Variants in FHOD3 observed in about 807,000 individuals in gnomAD.
FHOD3 encodes FH1/FH2 domain-containing protein 3.
FHOD3 carries 90 observed loss-of-function variants against 173.0 expected under a neutral mutation model. The ratio of observed to expected loss-of-function variants is 0.52; its 90% CI spans 0.44 to 0.62. The LOEUF (loss-of-function observed/expected upper bound fraction) is 0.62, where lower values mean the gene tolerates loss of function less well. FHOD3 is among the 20% of genes least tolerant of loss of function. The pLI, the probability that FHOD3 is intolerant of heterozygous loss-of-function variation, is 0.00. For missense variants in FHOD3, 1,945 were observed against 2,034.7 expected (o/e 0.96, Z 0.85); for synonymous variants, 828 against 823.0 (o/e 1.01, Z -0.10).
intron 25 of FHOD3, among the ~76,000 whole-genome samples, chr18:36,757,536 G>A (rs376117916): frequency 6.6e-5 from 10 of 152,118 alleles, no homozygotes; most frequent in Admixed American, 3.3e-4. Flanking sequence ...TTAGAATCAC[G>A]GACCCCCTGA....
At chr18:36,707,895 G>A (rs2039970431) in intron 17 of FHOD3, among the ~76,000 whole-genome samples, 1 of 152,112 alleles carries the variant, frequency 6.6e-6, no homozygotes, top group Non-Finnish European at 1.5e-5. Flanking sequence ...CACACCCTTA[G>A]AGTGCATTGC....
chr18:36,741,911 G>A (rs2041920796), intron 21 of FHOD3, among the ~76,000 whole-genome samples: 1 of 152,036 alleles, frequency 6.6e-6, no homozygotes, highest in African/African-American at 2.4e-5. Flanking sequence ...AATTCATCAG[G>A]AAGTCAAGCA....
At chr18:36,757,359 G>A (rs1269398759) in intron 25 of FHOD3, among the ~76,000 whole-genome samples, 4 of 152,148 alleles carry the variant, frequency 2.6e-5, no homozygotes, top group Non-Finnish European at 5.9e-5. Flanking sequence ...TACAGCCTTG[G>A]GTTTTTCCAA....
intron 5 of FHOD3, among the ~76,000 whole-genome samples, chr18:36,513,861 A>T (rs1388560084): frequency 6.6e-6 from 1 of 151,862 alleles, no homozygotes; most frequent in Non-Finnish European, 1.5e-5. Context: ...TGAGCCTCTC[A>T]CTTTGCTGAC....
chr18:36,717,783 G>T, intron 18 of FHOD3, 49 bp from the exon 19 acceptor site: 1 of 1,516,112 alleles, frequency 6.6e-7, no homozygotes, highest in Non-Finnish European at 8.8e-7. Flanking sequence ...TCTCATGGAA[G>T]TGAGGCCCCC....
intron 5 of FHOD3, among the ~76,000 whole-genome samples, chr18:36,556,382 G>A (rs545453113): frequency 6.6e-6 from 1 of 152,196 alleles, no homozygotes; most frequent in South Asian, 2.1e-4. Context: ...AAACCCACAT[G>A]GAGAGAGGGT....
At chr18:36,767,324 A>G (rs568803870) in intron 27 of FHOD3, among the ~76,000 whole-genome samples, 2 of 152,122 alleles carry the variant, frequency 1.3e-5, no homozygotes, top group South Asian at 4.1e-4. Context: ...AAAAAACTGT[A>G]TCAGTAATAA....
chr18:36,722,716 C>T (rs891178907), intron 19 of FHOD3, among the ~76,000 whole-genome samples: 2 of 152,030 alleles, frequency 1.3e-5, no homozygotes, highest in South Asian at 4.2e-4. Flanking sequence ...ACGATCCTCC[C>T]ACCTCAGCTT....
chr18:36,324,218 A>G (rs1040158238), intron 1 of FHOD3, among the ~76,000 whole-genome samples: 5 of 152,238 alleles, frequency 3.3e-5, no homozygotes, highest in Non-Finnish European at 4.4e-5. Flanking sequence ...TGCAGTATGT[A>G]CAAAACTCAA....
At chr18:36,554,389 A>T (rs1032525126) in intron 5 of FHOD3, among the ~76,000 whole-genome samples, 2 of 151,974 alleles carry the variant, frequency 1.3e-5, no homozygotes, top group African/African-American at 4.8e-5. Context: ...CGCAAGGACA[A>T]AAAACCAAAC....
intron 3 of FHOD3, among the ~76,000 whole-genome samples, chr18:36,376,652 C>T (rs2047452464): frequency 6.6e-6 from 1 of 152,126 alleles, no homozygotes; most frequent in African/African-American, 2.4e-5. Context: ...GGGACAAAGG[C>T]AACTTTTAAA....
chr18:36,510,963 TC>T (rs1208779319), intron 4 of FHOD3, among the ~76,000 whole-genome samples: 1 of 152,054 alleles, frequency 6.6e-6, no homozygotes, highest in Non-Finnish European at 1.5e-5. Context: ...ATTTACCTGG[TC>T]CCCCATCCAT....
intron 5 of FHOD3, among the ~76,000 whole-genome samples, chr18:36,560,094 AGTGAATGAGTGT>A (rs1311303961): frequency 9.2e-5 from 14 of 152,180 alleles, no homozygotes; most frequent in African/African-American, 3.4e-4. Flanking sequence ...ACCCAGAGTG[AGTGAATGAGTGT>A]GTACCCCTTG....
chr18:36,674,101 G>A (rs1204187394), intron 14 of FHOD3, among the ~76,000 whole-genome samples: 2 of 152,136 alleles, frequency 1.3e-5, no homozygotes, highest in Non-Finnish European at 1.5e-5. Flanking sequence ...TCAAAAGGAA[G>A]GAAAGTCAAA....
chr18:36,603,205 G>A (rs1434959278), intron 8 of FHOD3, among the ~76,000 whole-genome samples: 1 of 152,090 alleles, frequency 6.6e-6, no homozygotes, highest in South Asian at 2.1e-4. Flanking sequence ...CTTTCTTATA[G>A]TAGCCATAGG....
chr18:36,423,101 C>T (rs533952760), intron 3 of FHOD3, among the ~76,000 whole-genome samples: 34 of 60,286 alleles, frequency 5.6e-4, no homozygotes, highest in African/African-American at 1.5e-3. Flanking sequence ...GATTCCTCCC[C>T]GGCCCTCGAT....
At chr18:36,382,281 C>T (rs2047829378) in intron 3 of FHOD3, among the ~76,000 whole-genome samples, 1 of 152,176 alleles carries the variant, frequency 6.6e-6, no homozygotes, top group African/African-American at 2.4e-5. Flanking sequence ...TAGGGATGGG[C>T]TGTGGCTCTT....
At chr18:36,679,170 C>T (rs1336382384) in intron 14 of FHOD3, among the ~76,000 whole-genome samples, 1 of 151,980 alleles carries the variant, frequency 6.6e-6, no homozygotes, top group Non-Finnish European at 1.5e-5. Flanking sequence ...TTTAGAAAAT[C>T]ATCCATTTCT....
At chr18:36,386,504 A>G (rs900212746) in intron 3 of FHOD3, among the ~76,000 whole-genome samples, 1 of 152,228 alleles carries the variant, frequency 6.6e-6, no homozygotes, top group African/African-American at 2.4e-5. Flanking sequence ...AAGGAGCCCC[A>G]TGGAGCTGTC....
Sources: allele counts gnomAD v4.1 joint callset (sites outside exome capture counted in the v4.1 genomes callset), GRCh38; gene constraint gnomAD v4.1.1; transcripts MANE v1.5; gene names NCBI Gene and HGNC (gene_info 2026-07-23, HGNC 2026-07-21).